Variants in XKRX observed in about 807,000 individuals in gnomAD.
The protein encoded by XKRX is XK-related protein 2.
In XKRX, 11 loss-of-function variants were observed where a neutral mutation model predicts 22.4. The observed-to-expected ratio is 0.49, with a 90% confidence interval of 0.31 to 0.81. The LOEUF (loss-of-function observed/expected upper bound fraction) is 0.81, where lower values mean the gene tolerates loss of function less well. Ranked by LOEUF, XKRX falls within the 40% of genes least tolerant of loss-of-function variation. The pLI, the probability that XKRX is intolerant of heterozygous loss-of-function variation, is 0.05. For synonymous variants in XKRX, 114 were observed against 132.2 expected, an observed-to-expected ratio of 0.86 and a Z score of 0.94; for missense variants, 320 against 336.5, an observed-to-expected ratio of 0.95 and a Z score of 0.38.
At chrX:100,930,325 A>AATAATGATGATG (rs1556209253), upstream of XKRX, among the ~76,000 whole-genome samples, 107 of 103,177 alleles carry the variant, frequency 1.0e-3, 1 homozygote, top group African/African-American at 3.8e-3. Context: ...TAATAATAAT[A>AATAATGATGATG]ATGATGATTA....
the XKRX span, among the ~76,000 whole-genome samples, chrX:100,944,317 G>T: frequency 8.9e-6 from 1 of 112,151 alleles, no homozygotes; most frequent in African/African-American, 3.2e-5. Context: ...AGGGTGGGAA[G>T]TGAACACTAG....
intron 2 of XKRX, among the ~76,000 whole-genome samples, chrX:100,921,959 G>A (rs893493836): frequency 1.7e-4 from 17 of 102,075 alleles, no homozygotes; most frequent in African/African-American, 4.7e-4. Flanking sequence ...TCAGCCTCCC[G>A]AGTAGCTAGG....
At chrX:100,923,097 C>A in intron 1 of XKRX, 36 bp from the exon 2 acceptor site, 1 of 1,204,939 alleles carries the variant, frequency 8.3e-7, no homozygotes, top group Non-Finnish European at 1.1e-6. Context: ...CTTAACTAAG[C>A]TGTCCTGGGA....
the XKRX span, among the ~76,000 whole-genome samples, chrX:100,945,289 C>CACACACACACACAT: frequency 7.8e-4 from 77 of 98,543 alleles, 3 homozygotes; most frequent in Admixed American, 2.3e-3. Context: ...CACACACACA[C>CACACACACACACAT]AGTTTATTTT....
chrX:100,910,793 A>G, downstream of XKRX: 1 of 782,854 alleles, frequency 1.3e-6, no homozygotes, highest in Non-Finnish European at 2.0e-6. Context: ...AGAAAGAAGG[A>G]AAGTCGAGAG....
chrX:100,896,046 G>C, the XKRX span, among the ~76,000 whole-genome samples: 1 of 111,648 alleles, frequency 9.0e-6, no homozygotes, highest in African/African-American at 3.3e-5. Flanking sequence ...ATTTCTGTGG[G>C]ATGAGTGGTG....
chrX:100,943,674 G>A, the XKRX span, among the ~76,000 whole-genome samples: 4 of 112,152 alleles, frequency 3.6e-5, no homozygotes, highest in African/African-American at 1.3e-4. Flanking sequence ...AAAGTGCTGG[G>A]ATTACAGGTG....
chrX:100,957,053 G>A, the XKRX span: 3 of 1,112,808 alleles, frequency 2.7e-6, no homozygotes, highest in African/African-American at 3.6e-5. Context: ...ACAGCTGACA[G>A]TTAAATGCTG....
At chrX:100,957,099 A>G in the XKRX span, 2 of 1,154,686 alleles carry the variant, frequency 1.7e-6, no homozygotes, top group East Asian at 6.0e-5. Context: ...TGTGGTGTTC[A>G]GTCTTTACAA....
At chrX:100,950,942 G>T in the XKRX span, among the ~76,000 whole-genome samples, 1 of 111,461 alleles carries the variant, frequency 9.0e-6, no homozygotes, top group Non-Finnish European at 1.9e-5. Context: ...TTAGAAAAAA[G>T]GAGGACAGGG....
At chrX:100,921,824 CTTTTTTTTTTTTTT>C (rs769704465) in intron 2 of XKRX, among the ~76,000 whole-genome samples, 1 of 56,360 alleles carries the variant, frequency 1.8e-5, no homozygotes, top group Non-Finnish European at 3.1e-5. Context: ...TAACCCCACG[CTTTTTTTTTTTTTT>C]TTTTTTTTTT....
the XKRX span, among the ~76,000 whole-genome samples, chrX:100,941,982 G>A: frequency 9.1e-6 from 1 of 109,659 alleles, no homozygotes; most frequent in Non-Finnish European, 1.9e-5. Flanking sequence ...CGAGTAGCTG[G>A]GATTACAGGC....
chrX:100,904,817 C>G, the XKRX span, among the ~76,000 whole-genome samples: 1 of 111,839 alleles, frequency 8.9e-6, no homozygotes, highest in South Asian at 3.7e-4. Context: ...AGTTGGTAAA[C>G]CAGAGAAGCA....
the XKRX span, among the ~76,000 whole-genome samples, chrX:100,900,956 AT>A: frequency 2.2e-3 from 241 of 108,948 alleles, 1 homozygote; most frequent in African/African-American, 7.4e-3. Flanking sequence ...CGCCTGGCTA[AT>A]TTTTTTGTAT....
At chrX:100,947,960 T>C in the XKRX span, among the ~76,000 whole-genome samples, 1 of 108,134 alleles carries the variant, frequency 9.2e-6, no homozygotes, top group African/African-American at 3.4e-5. Context: ...TGGAGTGCAG[T>C]GGCATGATCT....
At chrX:100,930,464 G>GT (rs2085517923), upstream of XKRX, among the ~76,000 whole-genome samples, 1 of 109,528 alleles carries the variant, frequency 9.1e-6, no homozygotes, top group Non-Finnish European at 1.9e-5. Context: ...GTTGTTTTTT[G>GT]TTTTTTTAAG....
chrX:100,950,373 C>G, the XKRX span, among the ~76,000 whole-genome samples: 1 of 112,074 alleles, frequency 8.9e-6, no homozygotes, highest in Non-Finnish European at 1.9e-5. Flanking sequence ...ATGCACCAAA[C>G]AACAGACTGC....
At chrX:100,949,094 G>A in the XKRX span, among the ~76,000 whole-genome samples, 1 of 112,460 alleles carries the variant, frequency 8.9e-6, no homozygotes, top group African/African-American at 3.2e-5. Context: ...GGCCCGACAG[G>A]GAGCAGAACT....
upstream of XKRX, among the ~76,000 whole-genome samples, chrX:100,932,239 T>C (rs1602419667): frequency 1.8e-5 from 2 of 111,556 alleles, no homozygotes; most frequent in Middle Eastern, 4.7e-3. Context: ...GTCCAAACAC[T>C]CTTTGCTCTC....
Sources: gnomAD v4.1 joint callset for allele counts (sites outside exome capture counted in the v4.1 genomes callset) on GRCh38, gnomAD v4.1.1 for gene constraint, MANE v1.5 for transcripts, NCBI Gene and HGNC (gene_info 2026-07-23, HGNC 2026-07-21) for gene names.